Variants in ASTN2 observed in about 807,000 individuals in gnomAD.
The protein encoded by ASTN2 is astrotactin 2, also known as astrotactin-2.
A neutral mutation model predicts 139.8 loss-of-function variants in ASTN2; 54 were observed. The observed-to-expected ratio is 0.39, with a 90% CI of 0.31 to 0.48. The LOEUF (loss-of-function observed/expected upper bound fraction) is 0.48. Ranked by LOEUF, ASTN2 falls within the 20% of genes least tolerant of loss-of-function variation. The pLI, the probability that ASTN2 is intolerant of heterozygous loss-of-function variation, is 0.95. For synonymous variants in ASTN2, 756 were observed against 719.5 expected, an observed-to-expected ratio of 1.05 and a Z score of -0.81; for missense variants, 1,565 against 1,725.1, an observed-to-expected ratio of 0.91 and a Z score of 1.64.
At chr9:117,112,313 G>T (rs933949447) in intron 4 of ASTN2, among the ~76,000 whole-genome samples, 2 of 151,748 alleles carry the variant, frequency 1.3e-5, no homozygotes, top group African/African-American at 4.8e-5. Context: ...ATATGAAAGT[G>T]CAAGTAATCC....
intron 16 of ASTN2, among the ~76,000 whole-genome samples, chr9:116,665,366 T>C (rs1858799370): frequency 6.6e-6 from 1 of 152,204 alleles, no homozygotes; most frequent in African/African-American, 2.4e-5. Flanking sequence ...TACGGACAAC[T>C]AATTCAGGTA....
At chr9:117,016,747 AGG>A (rs1837718957) in intron 6 of ASTN2, among the ~76,000 whole-genome samples, 21 of 143,428 alleles carry the variant, frequency 1.5e-4, no homozygotes, top group South Asian at 2.1e-4. Context: ...GGTTATATAT[AGG>A]TTTTATATAT....
chr9:116,904,438 T>C (rs1402066728), intron 10 of ASTN2, among the ~76,000 whole-genome samples: 5 of 152,186 alleles, frequency 3.3e-5, no homozygotes, highest in Non-Finnish European at 5.9e-5. Flanking sequence ...TACTGTGTTG[T>C]GGTTCAAGTC....
intron 16 of ASTN2, among the ~76,000 whole-genome samples, chr9:116,675,285 T>C (rs1859437409): frequency 6.6e-6 from 1 of 152,174 alleles, no homozygotes; most frequent in African/African-American, 2.4e-5. Flanking sequence ...TGTCAGTCTG[T>C]AGCTCCATTG....
At chr9:116,640,196 A>T (rs527299149) in intron 17 of ASTN2, among the ~76,000 whole-genome samples, 1 of 152,296 alleles carries the variant, frequency 6.6e-6, no homozygotes, top group East Asian at 1.9e-4. Context: ...GTGCAAAAGA[A>T]AGGAATTGAG....
intron 10 of ASTN2, among the ~76,000 whole-genome samples, chr9:116,933,979 CTTTT>C (rs148724828): frequency 0.014 from 1,235 of 86,842 alleles, 40 homozygotes; most frequent in Non-Finnish European, 0.019. Context: ...AGTGTTAGTC[CTTTT>C]TTTTTTTTTT....
chr9:117,340,653 T>C (rs1829038703), intron 1 of ASTN2, among the ~76,000 whole-genome samples: 1 of 152,170 alleles, frequency 6.6e-6, no homozygotes, highest in South Asian at 2.1e-4. Flanking sequence ...AAAATCACTG[T>C]CACTGAGCTC....
At chr9:117,315,385 G>A (rs1437919912) in intron 1 of ASTN2, among the ~76,000 whole-genome samples, 3 of 152,110 alleles carry the variant, frequency 2.0e-5, no homozygotes, top group African/African-American at 7.2e-5. Flanking sequence ...AACAGTGAAG[G>A]TGCACTGCTT....
chr9:116,936,441 A>G lies in ASTN2; in HGVS notation c.1889+38767T>C, dbSNP rs142169305. 2.0e-5 allele frequency among the ~76,000 whole-genome samples: 3 copies of G among 152,258 alleles called. No individual in the cohort carries two copies. The East Asian group carries it at 5.8e-4, about 29-fold the overall frequency. The stretch of plus-strand genomic sequence containing the variant: ...CCAAGCACTTTACATGCATGGTCTC[A>G]TTGCATTCTCACAACAATCCTATGG... On this transcript the variant is annotated intron_variant, in intron 10 of 22. Coordinates refer to ENST00000313400, the MANE Select transcript of ASTN2 (RefSeq NM_001365068.1).
At chr9:116,558,703 T>A (rs1852757394) in intron 19 of ASTN2, among the ~76,000 whole-genome samples, 1 of 152,166 alleles carries the variant, frequency 6.6e-6, no homozygotes. Context: ...ACCATTCAGC[T>A]CATCCTCAAT....
At chr9:117,064,699 A>G (rs1032112902) in intron 5 of ASTN2, among the ~76,000 whole-genome samples, 9 of 152,156 alleles carry the variant, frequency 5.9e-5, no homozygotes, top group Non-Finnish European at 1.2e-4. Flanking sequence ...TGTTGGGTAC[A>G]ATGCACATGA....
chr9:116,548,486 T>C (rs916470165), intron 19 of ASTN2, among the ~76,000 whole-genome samples: 3 of 152,058 alleles, frequency 2.0e-5, no homozygotes, highest in African/African-American at 7.2e-5. Flanking sequence ...TGTTTTGATT[T>C]TTTGAGACTG....
chr9:116,714,621 C>A (rs1174873239), intron 16 of ASTN2, among the ~76,000 whole-genome samples: 3 of 152,144 alleles, frequency 2.0e-5, no homozygotes. Flanking sequence ...AAAGACCTGA[C>A]CTAAGTCACA....
intron 7 of ASTN2, among the ~76,000 whole-genome samples, chr9:116,977,104 G>A (rs1836361439): frequency 6.6e-6 from 1 of 152,146 alleles, no homozygotes; most frequent in Non-Finnish European, 1.5e-5. Context: ...AAGTGATCAG[G>A]TGGCTACAAA....
At chr9:117,376,402 A>G (rs1318558967) in intron 1 of ASTN2, among the ~76,000 whole-genome samples, 6 of 152,214 alleles carry the variant, frequency 3.9e-5, no homozygotes, top group Non-Finnish European at 7.3e-5. Context: ...GCACTTTCAA[A>G]TGGATAAATG....
intron 13 of ASTN2, among the ~76,000 whole-genome samples, chr9:116,769,376 G>A (rs186558545): frequency 3.3e-5 from 5 of 150,528 alleles, no homozygotes; most frequent in African/African-American, 1.0e-4. Context: ...GTGGGCGGGA[G>A]AGTAAGTGGG....
chr9:117,306,464 C>A (rs929657276), intron 1 of ASTN2, among the ~76,000 whole-genome samples: 1 of 152,166 alleles, frequency 6.6e-6, no homozygotes, highest in Non-Finnish European at 1.5e-5. Flanking sequence ...AGCCTCCTTG[C>A]TCTGCCACTG....
chr9:116,687,375 C>G, intron 16 of ASTN2: 9 of 194,690 alleles, frequency 4.6e-5, no homozygotes, highest in East Asian at 2.5e-4. Flanking sequence ...GAGCCGCGGG[C>G]GGTCAGGTAG....
intron 6 of ASTN2, among the ~76,000 whole-genome samples, chr9:117,025,529 T>C (rs939963664): frequency 3.3e-5 from 5 of 152,148 alleles, no homozygotes; most frequent in African/African-American, 1.2e-4. Flanking sequence ...TGGCTGGCCC[T>C]GGAACCTTGA....
Sources: allele counts gnomAD v4.1 joint callset (sites outside exome capture counted in the v4.1 genomes callset), GRCh38; gene constraint gnomAD v4.1.1; transcripts MANE v1.5; gene names NCBI Gene and HGNC (gene_info 2026-07-23, HGNC 2026-07-21).